The following EYS variants were observed in gnomAD, a reference collection of about 807,000 sequenced individuals.
EYS encodes protein eyes shut homolog.
In EYS, 250 loss-of-function variants were observed where a neutral mutation model predicts 282.1. The observed-to-expected ratio is 0.89, with a 90% CI of 0.80 to 0.98. The LOEUF (loss-of-function observed/expected upper bound fraction) is 0.98, where lower values mean the gene tolerates loss of function less well. Among genes scored for constraint, EYS ranks in the 50% least tolerant of loss-of-function variants. The pLI, the probability that EYS is intolerant of heterozygous loss-of-function variation, is 0.00. For synonymous variants in EYS, 1,355 were observed against 1,282.9 expected (o/e 1.06, Z -1.20); for missense variants, 4,016 against 3,709.0 (o/e 1.08, Z -2.15).
intron 2 of EYS, among the ~76,000 whole-genome samples, chr6:65,587,427 G>T (rs1765090892): frequency 6.6e-6 from 1 of 152,046 alleles, no homozygotes; most frequent in South Asian, 2.1e-4. Flanking sequence ...ATGATAGTGA[G>T]AAAGTTCTCA....
chr6:64,346,395 C>T (rs542808469), intron 29 of EYS, among the ~76,000 whole-genome samples: 1 of 151,968 alleles, frequency 6.6e-6, no homozygotes, highest in African/African-American at 2.4e-5. Flanking sequence ...AGTTCATGTC[C>T]TTTGTAGGGA....
chr6:65,220,432 T>C (rs1766432815), intron 12 of EYS, among the ~76,000 whole-genome samples: 1 of 152,064 alleles, frequency 6.6e-6, no homozygotes, highest in African/African-American at 2.4e-5. Flanking sequence ...CCTCATGAGA[T>C]TTGATAGTTT....
At chr6:64,323,896 G>T (rs898263957) in intron 29 of EYS, among the ~76,000 whole-genome samples, 2 of 152,114 alleles carry the variant, frequency 1.3e-5, no homozygotes, top group Non-Finnish European at 2.9e-5. Context: ...AGTGATGCTG[G>T]CAAGTTGACT....
chr6:64,536,423 C>T (rs975881744), intron 26 of EYS, among the ~76,000 whole-genome samples: 1 of 152,090 alleles, frequency 6.6e-6, no homozygotes, highest in East Asian at 1.9e-4. Flanking sequence ...AACATTATGA[C>T]GACAATTACA....
intron 35 of EYS, among the ~76,000 whole-genome samples, chr6:63,959,429 T>C (rs1408916826): frequency 6.6e-6 from 1 of 152,170 alleles, no homozygotes; most frequent in Non-Finnish European, 1.5e-5. Flanking sequence ...GTAAATTAGT[T>C]CAACCATTGG....
intron 22 of EYS, among the ~76,000 whole-genome samples, chr6:64,766,665 T>A (rs1443424099): frequency 3.4e-4 from 27 of 79,256 alleles, no homozygotes; most frequent in African/African-American, 5.1e-4. Flanking sequence ...TATATATATA[T>A]ATATATATAT....
At chr6:65,397,586 GT>G (rs1377544512) in intron 7 of EYS, among the ~76,000 whole-genome samples, 25 of 468 alleles carry the variant, frequency 0.053, no homozygotes, top group African/African-American at 0.11. Flanking sequence ...ATTTCATGGT[GT>G]GTGTGTGTGT....
At chr6:64,285,253 T>A (rs1768454532) in intron 30 of EYS, among the ~76,000 whole-genome samples, 2 of 152,076 alleles carry the variant, frequency 1.3e-5, no homozygotes, top group South Asian at 4.1e-4. Context: ...AGAAATTTCT[T>A]CCAAATCACC....
intron 14 of EYS, among the ~76,000 whole-genome samples, chr6:64,957,093 A>C (rs770890190): frequency 6.6e-6 from 1 of 152,186 alleles, no homozygotes; most frequent in Non-Finnish European, 1.5e-5. Context: ...CCAAATGAAA[A>C]TCAGTATATC....
chr6:64,293,360 T>G (rs1768783308), intron 30 of EYS, among the ~76,000 whole-genome samples: 1 of 152,158 alleles, frequency 6.6e-6, no homozygotes, highest in Non-Finnish European at 1.5e-5. Context: ...TCCAATTTAG[T>G]GACATTAATG....
chr6:64,992,214 T>C (rs1189145973), intron 14 of EYS, among the ~76,000 whole-genome samples: 1 of 151,880 alleles, frequency 6.6e-6, no homozygotes, highest in Non-Finnish European at 1.5e-5. Context: ...TAAAAAGGTA[T>C]ATAGTCTTTA....
At chr6:64,498,163 T>A (rs1198482053) in intron 26 of EYS, among the ~76,000 whole-genome samples, 1 of 152,174 alleles carries the variant, frequency 6.6e-6, no homozygotes, top group Non-Finnish European at 1.5e-5. Flanking sequence ...ATTGTTAGTA[T>A]CCTTTAAGTT....
At chr6:65,055,780 G>A (rs966202489) in intron 13 of EYS, among the ~76,000 whole-genome samples, 13 of 151,988 alleles carry the variant, frequency 8.6e-5, no homozygotes, top group East Asian at 3.9e-4. Context: ...GACAAAAAGT[G>A]CCATTCTCAT....
chr6:65,421,938 G>A (rs915093750), intron 5 of EYS, among the ~76,000 whole-genome samples: 1 of 151,798 alleles, frequency 6.6e-6, no homozygotes, highest in African/African-American at 2.4e-5. Flanking sequence ...TGATCACAGA[G>A]CCCCATGTAG....
chr6:65,683,748 G>A (rs932485962), intron 1 of EYS, among the ~76,000 whole-genome samples: 6 of 151,952 alleles, frequency 3.9e-5, no homozygotes, highest in African/African-American at 1.4e-4. Flanking sequence ...GATTGAGAGA[G>A]CAGCAGATTC....
At chr6:64,142,468 T>C (rs373887151) in intron 31 of EYS, among the ~76,000 whole-genome samples, 38 of 152,010 alleles carry the variant, frequency 2.5e-4, no homozygotes, top group African/African-American at 8.9e-4. Context: ...CAGTGAGAAA[T>C]AAGCAATGCA....
At chr6:65,166,334 T>C (rs1050655544) in intron 12 of EYS, among the ~76,000 whole-genome samples, 2 of 151,128 alleles carry the variant, frequency 1.3e-5, no homozygotes, top group African/African-American at 4.8e-5. Flanking sequence ...TTTTTAAAAC[T>C]TACCACAAGA....
At chr6:65,600,199 G>C in intron 2 of EYS, among the ~76,000 whole-genome samples, 1 of 151,888 alleles carries the variant, frequency 6.6e-6, no homozygotes. Context: ...CAGCCTCTTG[G>C]TAAATTCTGA....
chr6:65,339,466 T>C (rs1175921300), intron 10 of EYS, among the ~76,000 whole-genome samples: 2 of 151,294 alleles, frequency 1.3e-5, no homozygotes, highest in African/African-American at 2.4e-5. Context: ...TATACTGTTA[T>C]AATTGTTATA....
Sources: gnomAD v4.1 joint callset for allele counts (sites outside exome capture counted in the v4.1 genomes callset) on GRCh38, gnomAD v4.1.1 for gene constraint, MANE v1.5 for transcripts, NCBI Gene and HGNC (gene_info 2026-07-23, HGNC 2026-07-21) for gene names.